GNAT3: variants seen among roughly 807,000 people sequenced by gnomAD.
GNAT3 encodes G protein subunit alpha transducin 3.
Under a neutral mutation model 37.7 loss-of-function variants are expected in GNAT3, and 31 were observed. The observed-to-expected ratio is 0.82, with a 90% CI of 0.62 to 1.11. The LOEUF is 1.11. Ranked by LOEUF, GNAT3 falls within the 50% of genes most tolerant of loss-of-function variation. GNAT3 has a pLI of 0.00. For missense variants in GNAT3, 437 were observed against 412.5 expected, an observed-to-expected ratio of 1.06 and a Z score of -0.51; for synonymous variants, 138 against 139.8, an observed-to-expected ratio of 0.99 and a Z score of 0.09.
At chr7:80,478,426 G>T (rs1483527270) in intron 4 of GNAT3, among the ~76,000 whole-genome samples, 1 of 152,134 alleles carries the variant, frequency 6.6e-6, no homozygotes, top group African/African-American at 2.4e-5. Flanking sequence ...TCAACCCAAT[G>T]AGCCAAGGCA....
chr7:80,501,430 G>A (rs563495111), intron 1 of GNAT3, among the ~76,000 whole-genome samples: 70 of 151,912 alleles, frequency 4.6e-4, no homozygotes, highest in African/African-American at 1.5e-3. Context: ...CTAAGAATAA[G>A]ACAATTTTTC....
intron 4 of GNAT3, among the ~76,000 whole-genome samples, chr7:80,477,738 A>C (rs1047191119): frequency 1.3e-5 from 2 of 152,160 alleles, no homozygotes; most frequent in African/African-American, 4.8e-5. Context: ...CGATGCTAGC[A>C]GCTTCTGTTG....
intron 3 of GNAT3, among the ~76,000 whole-genome samples, chr7:80,482,500 TG>T (rs1269253539): frequency 4.6e-5 from 7 of 152,016 alleles, no homozygotes; most frequent in African/African-American, 7.2e-5. Context: ...TTTTCTTTTT[TG>T]TTTTTTTGTT....
intron 5 of GNAT3, among the ~76,000 whole-genome samples, chr7:80,466,031 T>C (rs1392939877): frequency 2.6e-5 from 4 of 151,670 alleles, no homozygotes; most frequent in Admixed American, 6.6e-5. Flanking sequence ...ACCCACGGGG[T>C]TTTTAACCCA....
At chr7:80,500,538 GA>G (rs1790813683) in intron 1 of GNAT3, among the ~76,000 whole-genome samples, 1 of 151,958 alleles carries the variant, frequency 6.6e-6, no homozygotes, top group Non-Finnish European at 1.5e-5. Flanking sequence ...TCAAGGGCAG[GA>G]AACTATGTCA....
At chr7:80,493,698 T>A (rs7802477) in intron 2 of GNAT3, among the ~76,000 whole-genome samples, 2 of 124,950 alleles carry the variant, frequency 1.6e-5, no homozygotes, top group African/African-American at 3.4e-5. Flanking sequence ...TTCCTCCTCC[T>A]CCTCTTTGTT....
chr7:80,461,062 A>G (rs1003692068), intron 7 of GNAT3, among the ~76,000 whole-genome samples: 1 of 150,886 alleles, frequency 6.6e-6, no homozygotes, highest in South Asian at 2.1e-4. Context: ...TATGCAAAAT[A>G]TATTATTATA....
chr7:80,458,883 A>G, intron 7 of GNAT3, 22 bp from the exon 8 acceptor site: 1 of 1,448,156 alleles, frequency 6.9e-7, no homozygotes, highest in Non-Finnish European at 9.4e-7. Context: ...AAATATTTGA[A>G]GAAGTAAAGA....
At chr7:80,493,142 G>T (rs557980611) in intron 2 of GNAT3, among the ~76,000 whole-genome samples, 2 of 151,416 alleles carry the variant, frequency 1.3e-5, no homozygotes, top group Non-Finnish European at 2.9e-5. Flanking sequence ...TATTTTTTAC[G>T]CAGCCAAATA....
At chr7:80,458,907 A>G in intron 7 of GNAT3, 46 bp from the exon 8 acceptor site, 3 of 1,252,362 alleles carry the variant, frequency 2.4e-6, no homozygotes, top group Non-Finnish European at 3.3e-6. Flanking sequence ...ATCATATGTT[A>G]CAAAGAATAG....
At chr7:80,504,152 C>T (rs149366048) in intron 1 of GNAT3, among the ~76,000 whole-genome samples, 31 of 152,106 alleles carry the variant, frequency 2.0e-4, no homozygotes, top group Non-Finnish European at 3.8e-4. Flanking sequence ...TCTGTCTCTA[C>T]AAAAAATAGG....
At chr7:80,497,588 A>ACACACAC (rs1562732806) in intron 1 of GNAT3, among the ~76,000 whole-genome samples, 2 of 135,186 alleles carry the variant, frequency 1.5e-5, no homozygotes, top group East Asian at 2.3e-4. Context: ...ACGTATATAC[A>ACACACAC]TATACGTATA....
chr7:80,462,725 C>A (rs799937), intron 5 of GNAT3, 94 bp from the exon 6 acceptor site: 264,411 of 851,194 alleles, frequency 0.31, 45,431 homozygotes, highest in East Asian at 0.67. Flanking sequence ...GGGTGATCCC[C>A]TATCTTCAAA....
chr7:80,472,035 T>C (rs1318060156), intron 5 of GNAT3, among the ~76,000 whole-genome samples: 1 of 152,048 alleles, frequency 6.6e-6, no homozygotes, highest in Non-Finnish European at 1.5e-5. Context: ...TAAATAGACA[T>C]GGCCCCTAGC....
At chr7:80,468,155 A>G (rs1482256175) in intron 5 of GNAT3, among the ~76,000 whole-genome samples, 1 of 152,092 alleles carries the variant, frequency 6.6e-6, no homozygotes, top group African/African-American at 2.4e-5. Flanking sequence ...ACGGCTTTAT[A>G]TTAAACAGTT....
At chr7:80,481,891 T>A (rs921780922) in intron 3 of GNAT3, among the ~76,000 whole-genome samples, 4 of 152,296 alleles carry the variant, frequency 2.6e-5, no homozygotes, top group Middle Eastern at 3.4e-3. Context: ...AATAACTTAA[T>A]TCTTTTCAAC....
chr7:80,506,805 A>G (rs1031287465), intron 1 of GNAT3, among the ~76,000 whole-genome samples: 3 of 152,146 alleles, frequency 2.0e-5, no homozygotes, highest in African/African-American at 7.2e-5. Context: ...ATTTTGAAAT[A>G]TATATACATT....
chr7:80,504,617 T>C (rs1009325563), intron 1 of GNAT3, among the ~76,000 whole-genome samples: 10 of 152,092 alleles, frequency 6.6e-5, no homozygotes, highest in African/African-American at 2.4e-4. Context: ...AAAAAGCCAA[T>C]AGATAATTTT....
chr7:80,478,927 C>G lies in GNAT3; in HGVS notation c.375G>C (p.Glu125Asp), dbSNP rs1379301335. 2 of 1,613,252 alleles carry G rather than the reference C, an allele frequency of 1.2e-6. No homozygotes were observed. Among genetic ancestry groups the G allele is most frequent in the Non-Finnish European group, 1.7e-6 (2 of 1,179,474 alleles). The part of the protein sequence containing the change: ...EDGGMTPQLA[E>D]VIKRLWRDPG... ...GATCTCTCCACAGCCGTTTTATTAC[C>G]TCAGCCAGTTGAGGTGTCATGCCAC... Residue 125 changes from glutamate (E) to aspartate (D), a missense_variant, in exon 4 of 8, where the codon GAG (glutamate) becomes GAC (aspartate). Physicochemically the swap from Glu to Asp is conservative, Grantham distance 45. Coordinates refer to ENST00000398291, the MANE Select transcript of GNAT3 (RefSeq NM_001102386.3).
Sources: allele counts gnomAD v4.1 joint callset (sites outside exome capture counted in the v4.1 genomes callset), GRCh38; gene constraint gnomAD v4.1.1; transcripts MANE v1.5; gene names NCBI Gene and HGNC (gene_info 2026-07-23, HGNC 2026-07-21).